Variants in AAK1 observed in about 807,000 individuals in gnomAD.
AAK1 encodes AP2-associated protein kinase 1.
In AAK1, 37 loss-of-function variants were observed where a neutral mutation model predicts 116.0. The observed-to-expected ratio is 0.32, with a 90% CI of 0.25 to 0.42. The LOEUF (loss-of-function observed/expected upper bound fraction) is 0.42. AAK1 is among the 10% of genes least tolerant of loss of function. AAK1 has a pLI of 1.00. For missense variants in AAK1, 919 were observed against 1,170.6 expected (o/e 0.79, Z 3.14); for synonymous variants, 458 against 439.9 (o/e 1.04, Z -0.51).
At chr2:69,607,648 G>A (rs1302160228) in intron 2 of AAK1, among the ~76,000 whole-genome samples, 1 of 152,092 alleles carries the variant, frequency 6.6e-6, no homozygotes, top group Non-Finnish European at 1.5e-5. Flanking sequence ...CTTATAATAA[G>A]CCAACCTATT....
At position 69,462,634 on chromosome 2, in the gene AAK1, C is replaced by A. The variant is rs1674369603; in HGVS notation, c.*13235G>T. On this transcript the variant is annotated 3_prime_UTR_variant, in exon 22 of 22. Coordinates refer to ENST00000409085, the MANE Select transcript of AAK1 (RefSeq NM_014911.5). ...GAGGTTGCAGTGAGCCGAGATCACACCACTGCACTCCCGCCTGAGCGACAG... is the reference window on the plus strand; with the variant it reads ...GAGGTTGCAGTGAGCCGAGATCACAACACTGCACTCCCGCCTGAGCGACAG... The A allele has an allele frequency of 6.6e-6, 1 of 151,712 alleles. No individual in the cohort carries two copies. The highest frequency in any genetic ancestry group is 2.1e-4 in the South Asian group (1 of 4,806). The allele number at this position is 151,712 out of a possible 1,614,324, so 9.4% of individuals were successfully genotyped here.
chr2:69,643,394 C>G, intron 1 of AAK1, 120 bp from the exon 2 acceptor site: 1 of 1,177,542 alleles, frequency 8.5e-7, no homozygotes, highest in Non-Finnish European at 1.1e-6. Flanking sequence ...ATTTTCCCGG[C>G]GAGAAAAACC....
At chr2:69,577,822 C>A (rs1426692884) in intron 2 of AAK1, among the ~76,000 whole-genome samples, 1 of 151,946 alleles carries the variant, frequency 6.6e-6, no homozygotes, top group Non-Finnish European at 1.5e-5. Flanking sequence ...CCAGCACATT[C>A]CCATGGGGGC....
chr2:69,574,527 C>T (rs1192348477), intron 2 of AAK1, among the ~76,000 whole-genome samples: 2 of 150,812 alleles, frequency 1.3e-5, no homozygotes, highest in African/African-American at 4.9e-5. Context: ...CACAATGATC[C>T]CACCTGTGAA....
intron 19 of AAK1, among the ~76,000 whole-genome samples, chr2:69,480,313 A>C (rs1443707193): frequency 1.3e-5 from 2 of 152,100 alleles, no homozygotes; most frequent in Admixed American, 1.3e-4. Context: ...TGGGCAGTTA[A>C]GAAATTCTAT....
intron 8 of AAK1, among the ~76,000 whole-genome samples, chr2:69,528,966 T>C (rs1222701960): frequency 2.0e-5 from 3 of 152,148 alleles, no homozygotes; most frequent in Non-Finnish European, 2.9e-5. Context: ...TTATTAAATG[T>C]CATAATCCAG....
At chr2:69,619,052 T>C (rs965078601) in intron 2 of AAK1, among the ~76,000 whole-genome samples, 2 of 152,110 alleles carry the variant, frequency 1.3e-5, no homozygotes, top group Non-Finnish European at 2.9e-5. Flanking sequence ...TTCTGTGCAC[T>C]CCTAGCCTCC....
intron 2 of AAK1, among the ~76,000 whole-genome samples, chr2:69,628,124 G>A (rs1674989801): frequency 6.6e-6 from 1 of 152,164 alleles, no homozygotes; most frequent in Admixed American, 6.5e-5. Flanking sequence ...AGGACCATAC[G>A]TAGGCCAAGG....
intron 3 of AAK1, among the ~76,000 whole-genome samples, chr2:69,550,961 C>A (rs1671157620): frequency 6.6e-6 from 1 of 152,064 alleles, no homozygotes. Flanking sequence ...TCAAATAGTT[C>A]ATAATACTAG....
chr2:69,490,923 C>CCACACACA (rs58662760), intron 17 of AAK1, among the ~76,000 whole-genome samples: 2,107 of 147,698 alleles, frequency 0.014, 49 homozygotes, highest in African/African-American at 0.049. Context: ...GTGTGTGTAC[C>CCACACACA]CACACACACA....
chr2:69,487,327 T>G (rs1675334371), intron 17 of AAK1, among the ~76,000 whole-genome samples: 1 of 152,182 alleles, frequency 6.6e-6, no homozygotes, highest in Admixed American at 6.5e-5. Flanking sequence ...GTTTTATAAA[T>G]TCTGTCCTTT....
intron 16 of AAK1, among the ~76,000 whole-genome samples, chr2:69,501,840 G>A (rs577988024): frequency 4.6e-5 from 7 of 152,114 alleles, no homozygotes; most frequent in Admixed American, 2.0e-4. Flanking sequence ...GCACGGTGGC[G>A]TGCAACTGTT....
At chr2:69,623,052 T>C (rs1674729923) in intron 2 of AAK1, among the ~76,000 whole-genome samples, 1 of 152,128 alleles carries the variant, frequency 6.6e-6, no homozygotes, top group Admixed American at 6.5e-5. Flanking sequence ...CGTGGAAGCT[T>C]TGTTCTTTCG....
At chr2:69,525,365 C>T (rs1669978994) in intron 9 of AAK1, among the ~76,000 whole-genome samples, 1 of 152,150 alleles carries the variant, frequency 6.6e-6, no homozygotes, top group Non-Finnish European at 1.5e-5. Context: ...CACACATTCC[C>T]GGATTATTCT....
At chr2:69,545,500 G>A (rs370353933) in intron 3 of AAK1, among the ~76,000 whole-genome samples, 14 of 152,350 alleles carry the variant, frequency 9.2e-5, no homozygotes, top group African/African-American at 3.4e-4. Flanking sequence ...GTGGTCCCCT[G>A]AGAGTCACCA....
chr2:69,544,339 A>G, intron 4 of AAK1, 97 bp downstream of exon 4: 1 of 886,558 alleles, frequency 1.1e-6, no homozygotes, highest in Non-Finnish European at 1.8e-6. Flanking sequence ...AGAACATATC[A>G]TAGAGTGCAG....
intron 8 of AAK1, among the ~76,000 whole-genome samples, chr2:69,527,824 C>T (rs906050258): frequency 2.6e-5 from 4 of 152,158 alleles, no homozygotes; most frequent in Non-Finnish European, 5.9e-5. Context: ...TTCCTGTGAC[C>T]TATAGATCAC....
At position 69,474,289 on chromosome 2, in the gene AAK1, T is replaced by C; in HGVS notation, c.*1580A>G. 1.0e-6 allele frequency: 1 copy of C among 985,850 alleles called. No individual in the cohort carries two copies. The highest frequency in any genetic ancestry group is 5.2e-4 in the Middle Eastern group (1 of 1,914). 61.1% of individuals were successfully genotyped at this position (985,850 alleles called of 1,614,324 possible). On this transcript the variant is annotated 3_prime_UTR_variant, in exon 22 of 22. Transcript: ENST00000409085. Reference sequence around the variant, plus strand: ...TTTTATTTGTACAGATCTGATTAACTAAGAGTTTCCCTTTTGATGATGGAC... The same window carrying C: ...TTTTATTTGTACAGATCTGATTAACCAAGAGTTTCCCTTTTGATGATGGAC...
chr2:69,618,196 A>G (rs1674427582), intron 2 of AAK1, among the ~76,000 whole-genome samples: 1 of 152,078 alleles, frequency 6.6e-6, no homozygotes, highest in Admixed American at 6.5e-5. Context: ...CCCAAAGGAG[A>G]AAAAAGAATT....
Sources: allele counts gnomAD v4.1 joint callset (sites outside exome capture counted in the v4.1 genomes callset), GRCh38; gene constraint gnomAD v4.1.1; transcripts MANE v1.5; gene names NCBI Gene and HGNC (gene_info 2026-07-23, HGNC 2026-07-21).